HOXA10: variants seen among roughly 807,000 people sequenced by gnomAD.
The protein encoded by HOXA10 is homeobox A10.
In HOXA10, 12 loss-of-function variants were observed where a neutral mutation model predicts 29.7. The observed-to-expected ratio is 0.40, with a 90% CI of 0.26 to 0.65. The LOEUF is 0.65. Among genes scored for constraint, HOXA10 ranks in the 30% least tolerant of loss-of-function variants. The pLI is 0.37. For missense variants in HOXA10, 656 were observed against 585.9 expected (o/e 1.12, Z -1.24); for synonymous variants, 327 against 280.7 (o/e 1.16, Z -1.65).
upstream of HOXA10, among the ~76,000 whole-genome samples, chr7:27,179,310 C>CTTT (rs10634973): frequency 0.011 from 1,600 of 141,582 alleles, 16 homozygotes; most frequent in Non-Finnish European, 0.012. Context: ...CCGCGATCAC[C>CTTT]TTTTTTTTTT....
At chr7:27,173,252 G>A (rs1783549873) in intron 1 of HOXA10, 97 bp downstream of exon 1, 2 of 1,563,160 alleles carry the variant, frequency 1.3e-6, no homozygotes, top group East Asian at 4.6e-5. Context: ...GGCCAAGGCC[G>A]GCCGGCTGCT....
At chr7:27,175,650 C>T (rs1045226200), upstream of HOXA10, among the ~76,000 whole-genome samples, 6 of 152,204 alleles carry the variant, frequency 3.9e-5, no homozygotes, top group African/African-American at 1.4e-4. Context: ...TCAGGAAATG[C>T]AACCTTTTCC....
At chr7:27,175,216 G>A (rs573068129), upstream of HOXA10, 3 of 152,426 alleles carry the variant, frequency 2.0e-5, no homozygotes, top group South Asian at 6.2e-4. Context: ...CAGTCATTTC[G>A]GGGAAGTAAA....
At chr7:27,172,202 G>A (rs762949508) in intron 1 of HOXA10, 29 bp from the exon 2 acceptor site, 25 of 1,612,280 alleles carry the variant, frequency 1.6e-5, no homozygotes, top group Non-Finnish European at 2.0e-5. Flanking sequence ...AAGAGGGGAT[G>A]ATTAAGTCGA....
At position 27,171,722 on chromosome 7, in the gene HOXA10, A is replaced by C; in HGVS notation, c.*177T>G. The C allele has an allele frequency of 1.3e-6, 1 of 767,554 alleles. No homozygotes were observed. The highest frequency in any genetic ancestry group is 2.4e-6 in the Non-Finnish European group (1 of 423,996). 47.5% of individuals were successfully genotyped at this position (767,554 alleles called of 1,614,324 possible). On this transcript the variant is annotated 3_prime_UTR_variant, in exon 2 of 2. Transcript: ENST00000283921. ...AATAAACCAGCACCAAGCAAACACA[A>C]AGAAACAAAAAGTCAGAACAAACCA...
rs1023125170 is a variant in HOXA10 at position 27,171,343 on chromosome 7, T to C, written c.*556A>G. The stretch of plus-strand genomic sequence containing the variant: ...GCCCGTTTGCCAACCTGCATGTCCA[T>C]GCCTGTAAGCCCTTCTCTTGGCCAA... On this transcript the variant is annotated 3_prime_UTR_variant, in exon 2 of 2. Coordinates refer to ENST00000283921, the MANE Select transcript of HOXA10 (RefSeq NM_018951.4). 2.2e-6 allele frequency: 1 copy of C among 454,352 alleles called. No homozygotes were observed. The highest frequency in any genetic ancestry group is 2.0e-5 in the African/African-American group (1 of 50,138). 28.1% of individuals were successfully genotyped at this position (454,352 alleles called of 1,614,324 possible).
chr7:27,173,416 C>G lies in HOXA10; in HGVS notation c.891G>C (p.Ser297=), dbSNP rs771652818. 3.7e-6 allele frequency: 6 copies of G among 1,607,916 alleles called. No homozygotes were observed. Among genetic ancestry groups the G allele is most frequent in the South Asian group, 2.2e-5 (2 of 90,612 alleles). Residue 297 remains serine, a synonymous_variant, in exon 1 of 2, where the codon TCG becomes TCC. Transcript: ENST00000283921. ...GGGCCGGGGAGAGCTCCTCCGCGGC[C>G]GAGGACGACGCGTGCGCCTCCTCGT... ...QGDEEAHASS[S]AAEELSPAPS...
Position 27,170,977 on chromosome 7 carries a change from T to C in HOXA10, c.*922A>G, listed in dbSNP as rs1783462416. Reference sequence around the variant, plus strand: ...CAAAAACAAACAAAAAAAAAACTTTTTGTTCAAGGCGATTTAAAAAAACAA... The same window carrying C: ...CAAAAACAAACAAAAAAAAAACTTTCTGTTCAAGGCGATTTAAAAAAACAA... On this transcript the variant is annotated 3_prime_UTR_variant, in exon 2 of 2. Coordinates refer to ENST00000283921, the MANE Select transcript of HOXA10 (RefSeq NM_018951.4). 1 of 453,912 alleles carries C rather than the reference T, an allele frequency of 2.2e-6. No homozygotes were observed. Among genetic ancestry groups the C allele is most frequent in the Non-Finnish European group, 4.4e-6 (1 of 226,706 alleles). The allele number at this position is 453,912 out of a possible 1,614,324, so 28.1% of individuals were successfully genotyped here. A position where few individuals can be genotyped will look rare whatever the true frequency, so the allele number is the denominator to read the frequency against.
chr7:27,173,705 G>T lies in HOXA10; in HGVS notation c.602C>A (p.Ala201Asp). Residue 201 changes from alanine to aspartate, a missense_variant, in exon 1 of 2, where the codon GCC (alanine) becomes GAC (aspartate). This residue lies in a region of HOXA10 where 594 missense variants were observed against 491.9 expected (regional missense o/e 1.21). Coordinates refer to ENST00000283921, the MANE Select transcript of HOXA10 (RefSeq NM_018951.4). ...FPRGPPPDGC[A>D]LGTSSGVPVP... ...TGGCACCCCGCTGGAGGTGCCCAGG[G>T]CGCAGCCGTCGGGCGGCGGGCCCCG... The T allele has an allele frequency of 6.4e-7, 1 of 1,572,460 alleles. No homozygotes were observed. The highest frequency in any genetic ancestry group is 8.6e-7 in the Non-Finnish European group (1 of 1,159,700).
In HOXA10 at chr7:27,174,280, G is replaced by A. The variant is rs1163997198; in HGVS notation, c.27C>T (p.Leu9=). ...TTGTTGTGGGATAATTTGGCGAAGG[G>A]AGCAGATAGCCCTTTCTGGCTGACA... MSARKGYL[L]PSPNYPTTMS... Residue 9 remains leucine, a synonymous_variant, in exon 1 of 2, where the codon CTC becomes CTT. Transcript: ENST00000283921. The A allele has an allele frequency of 3.1e-6, 5 of 1,598,908 alleles. No individual in the cohort carries two copies. Among genetic ancestry groups the A allele is most frequent in the Non-Finnish European group, 4.2e-6 (5 of 1,179,820 alleles).
upstream of HOXA10, among the ~76,000 whole-genome samples, chr7:27,178,607 G>C (rs1337129320): frequency 2.0e-5 from 3 of 152,224 alleles, no homozygotes; most frequent in African/African-American, 7.2e-5. Flanking sequence ...AGCTCACTGG[G>C]TGGGCGCTCA....
upstream of HOXA10, among the ~76,000 whole-genome samples, chr7:27,178,153 T>G (rs1583437158): frequency 1.3e-5 from 2 of 152,204 alleles, no homozygotes; most frequent in South Asian, 4.1e-4. Flanking sequence ...CTCAATGCTT[T>G]CAAGACTCTG....
chr7:27,174,303 A>G lies in HOXA10; in HGVS notation c.4T>C (p.Ser2Pro). M[S>P]ARKGYLLPSP... ...GGGAGCAGATAGCCCTTTCTGGCTGACATTTCTTGTGCAAAACATGCTGAA... is the reference window on the plus strand; with the variant it reads ...GGGAGCAGATAGCCCTTTCTGGCTGGCATTTCTTGTGCAAAACATGCTGAA... Residue 2 changes from serine (S) to proline (P), a missense_variant, in exon 1 of 2, where the codon TCA (serine) becomes CCA (proline). Ser to Pro is a moderately conservative substitution (Grantham distance 74). Coordinates refer to ENST00000283921, the MANE Select transcript of HOXA10 (RefSeq NM_018951.4). 6.3e-7 allele frequency: 1 copy of G among 1,598,074 alleles called. No homozygotes were observed. The highest frequency in any genetic ancestry group is 8.5e-7 in the Non-Finnish European group (1 of 1,179,748).
At position 27,171,947 on chromosome 7, in the gene HOXA10, A is replaced by T. The variant is rs774597821; in HGVS notation, c.1185T>A (p.Asn395Lys). The T allele has an allele frequency of 2.5e-6, 4 of 1,614,162 alleles. No homozygotes were observed. The South Asian group carries it at 4.4e-5, about 18-fold the overall frequency. ...TGAGCTCCCGGATCCGGTTTTCTCG[A>T]TTCATTTTCTTCAGTTTCATCCTGC... ...QNRRMKLKKM[N>K]RENRIRELTA... The change falls in exon 2 of 2, where the codon AAT becomes AAA. Residue 395 changes from asparagine (N) to lysine (K), a missense_variant. Asn to Lys is a moderately conservative substitution (Grantham distance 94). Around this residue, in one of 2 missense-constraint regions of HOXA10, gnomAD observed 62 missense variants for 94.0 expected, o/e 0.66. Coordinates refer to ENST00000283921, the MANE Select transcript of HOXA10 (RefSeq NM_018951.4).
At chr7:27,175,030 T>G (rs1429574271), upstream of HOXA10, 1 of 152,280 alleles carries the variant, frequency 6.6e-6, no homozygotes, top group Non-Finnish European at 1.5e-5. Context: ...TCCTCTGGTG[T>G]TGTGCTCACC....
At position 27,173,540 on chromosome 7, in the gene HOXA10, A is replaced by G. The variant is rs886844009; in HGVS notation, c.767T>C (p.Leu256Pro). Residue 256 changes from leucine (L) to proline (P), a missense_variant, in exon 1 of 2, where the codon CTA becomes CCA. Leu to Pro is a moderately conservative substitution (Grantham distance 98). This residue lies in a region of HOXA10 where 594 missense variants were observed against 491.9 expected (regional missense o/e 1.21). Coordinates refer to ENST00000283921, the MANE Select transcript of HOXA10 (RefSeq NM_018951.4). ...PGRGFDLPPA[L>P]ASGSADAARK... is the part of the protein sequence containing the mutation. The stretch of plus-strand genomic sequence containing the variant: ...GGCCGCATCGGCCGAGCCGGAGGCT[A>G]GCGCGGGCGGGAGATCGAAACCGCG... The G allele has an allele frequency of 1.4e-6, 2 of 1,453,628 alleles. No individual in the cohort carries two copies. Among genetic ancestry groups the G allele is most frequent in the Non-Finnish European group, 1.8e-6 (2 of 1,112,056 alleles). The allele number at this position is 1,453,628 out of a possible 1,614,324, so 90.0% of individuals were successfully genotyped here. A position where few individuals can be genotyped will look rare whatever the true frequency, so the allele number is the denominator to read the frequency against.
At chr7:27,178,158 ACT>A (rs1280760315), upstream of HOXA10, among the ~76,000 whole-genome samples, 5 of 152,186 alleles carry the variant, frequency 3.3e-5, no homozygotes, top group Non-Finnish European at 1.5e-5. Context: ...TGCTTTCAAG[ACT>A]CTGAATTATC....
chr7:27,172,960 C>T (rs1783539872), intron 1 of HOXA10: 2 of 258,762 alleles, frequency 7.7e-6, no homozygotes, highest in South Asian at 5.3e-5. Context: ...TACAAACATC[C>T]GCGCTATCTG....
rs574401870 is a variant in HOXA10, at chr7:27,173,369, G to A, written c.938C>T (p.Ser313Leu). The A allele has an allele frequency of 1.1e-4, 173 of 1,612,072 alleles. No individual in the cohort carries two copies. In the African/African-American group the frequency reaches 2.1e-3, roughly 20 times the overall value. The change falls in exon 1 of 2, where the codon TCG becomes TTG. Residue 313 changes from serine (S) to leucine (L), a missense_variant. By Grantham distance (145) the Ser-to-Leu change is moderately radical (BLOSUM62 -2). This residue lies in a region of HOXA10 where 594 missense variants were observed against 491.9 expected (regional missense o/e 1.21). Transcript: ENST00000283921. The part of the protein sequence containing the change: ...SPAPSESSKA[S>L]PEKDSLGNSK... The stretch of plus-strand genomic sequence containing the variant: ...CTTACCCAGGGAATCCTTCTCCGGC[G>A]AGGCTTTGCTGCTCTCGGAAGGGGC...
Sources: allele counts gnomAD v4.1 joint callset (sites outside exome capture counted in the v4.1 genomes callset), GRCh38; gene constraint gnomAD v4.1.1; regional missense constraint gnomAD v4.1.1; transcripts MANE v1.5; gene names NCBI Gene and HGNC (gene_info 2026-07-23, HGNC 2026-07-21).